MARCHF6: variants seen among roughly 807,000 people sequenced by gnomAD.
The protein encoded by MARCHF6 is membrane associated ring-CH-type finger 6, also known as E3 ubiquitin-protein ligase MARCHF6.
Under a neutral mutation model 133.7 loss-of-function variants are expected in MARCHF6, and 31 were observed. The ratio of observed to expected loss-of-function variants is 0.23; its 90% confidence interval spans 0.17 to 0.31. The LOEUF is 0.31. Among genes scored for constraint, MARCHF6 ranks in the 10% least tolerant of loss-of-function variants. MARCHF6 has a pLI of 1.00. For missense variants in MARCHF6, 723 were observed against 1,121.6 expected, an observed-to-expected ratio of 0.64 and a Z score of 5.08; for synonymous variants, 395 against 402.5, an observed-to-expected ratio of 0.98 and a Z score of 0.22.
At chr5:10,360,275 G>A (rs1007921757) in intron 1 of MARCHF6, among the ~76,000 whole-genome samples, 4 of 145,914 alleles carry the variant, frequency 2.7e-5, no homozygotes, top group Non-Finnish European at 6.0e-5. Context: ...TCAGCCTCCC[G>A]AGTAGCTGGG....
chr5:10,380,317 A>G (rs1304310307), intron 3 of MARCHF6, among the ~76,000 whole-genome samples: 1 of 152,198 alleles, frequency 6.6e-6, no homozygotes, highest in African/African-American at 2.4e-5. Context: ...TCATCATAAA[A>G]AAGTCAATTC....
rs1579635155 is a variant in MARCHF6, at chr5:10,439,302, A to G, written c.*5618A>G. 1 of 152,258 alleles carries G rather than the reference A, an allele frequency of 6.6e-6. No homozygotes were observed. 9.4% of individuals were successfully genotyped at this position (152,258 alleles called of 1,614,324 possible). On this transcript the variant is annotated 3_prime_UTR_variant, in exon 26 of 26. Transcript: ENST00000274140. Reference sequence around the variant, plus strand: ...CCATATCTTAACACTGGCAAAGATTAAAGTCCAAATGGATTATAGTTCCCC... The same window carrying G: ...CCATATCTTAACACTGGCAAAGATTGAAGTCCAAATGGATTATAGTTCCCC...
chr5:10,356,775 A>G (rs1001443351), intron 1 of MARCHF6, among the ~76,000 whole-genome samples: 1 of 152,296 alleles, frequency 6.6e-6, no homozygotes, highest in Non-Finnish European at 1.5e-5. Flanking sequence ...AACCGTGCGT[A>G]TAGTAAGTCT....
chr5:10,357,582 G>A lies in MARCHF6; in HGVS notation c.19+3665G>A, dbSNP rs545380756. ...AAATTTGGAAGAAATGAGTTAAAAG[G>A]ATAGAAAGTTGTCAGAATCAGACAG... is the stretch of plus-strand genomic sequence containing the variant. On this transcript the variant is annotated intron_variant, in intron 1 of 25. Transcript: ENST00000274140. Among the ~76,000 whole-genome samples, 11 of 152,246 alleles carry A rather than the reference G, an allele frequency of 7.2e-5. No homozygotes were observed. The South Asian group carries it at 2.3e-3, about 32-fold the overall frequency.
intron 22 of MARCHF6, among the ~76,000 whole-genome samples, chr5:10,423,283 AGTAGAACCACAAAT>A (rs1739919237): frequency 2.0e-5 from 3 of 152,202 alleles, no homozygotes; most frequent in Admixed American, 2.0e-4. Flanking sequence ...ACAGTTCCCC[AGTAGAACCACAAAT>A]GCTTCAAGCT....
chr5:10,376,652 C>T (rs1336083355), intron 1 of MARCHF6, among the ~76,000 whole-genome samples: 1 of 152,186 alleles, frequency 6.6e-6, no homozygotes, highest in Non-Finnish European at 1.5e-5. Context: ...CTCTGGATTG[C>T]CCAGCTGGTT....
chr5:10,404,500 G>A (rs1405927378), intron 15 of MARCHF6, among the ~76,000 whole-genome samples: 12 of 152,076 alleles, frequency 7.9e-5, no homozygotes, highest in Admixed American at 2.0e-4. Flanking sequence ...ACTGTGTGCC[G>A]GACACTATAC....
At chr5:10,394,620 A>G in intron 8 of MARCHF6, 133 bp from the exon 9 acceptor site, 2 of 623,066 alleles carry the variant, frequency 3.2e-6, no homozygotes, top group East Asian at 6.4e-5. Context: ...AATGATAGGA[A>G]GTATTGGAAA....
At chr5:10,395,944 T>G (rs1384137861) in intron 9 of MARCHF6, among the ~76,000 whole-genome samples, 1 of 152,190 alleles carries the variant, frequency 6.6e-6, no homozygotes, top group Admixed American at 6.5e-5. Flanking sequence ...ACAGTCAGTA[T>G]AGAAAGCATT....
intron 1 of MARCHF6, among the ~76,000 whole-genome samples, chr5:10,374,484 T>C (rs1199570631): frequency 2.0e-5 from 3 of 152,206 alleles, no homozygotes; most frequent in Admixed American, 2.0e-4. Context: ...GTGGGCTGCC[T>C]GGATACTGCT....
At chr5:10,429,647 C>T (rs1441233721) in intron 24 of MARCHF6, among the ~76,000 whole-genome samples, 5 of 152,248 alleles carry the variant, frequency 3.3e-5, no homozygotes, top group East Asian at 3.9e-4. Flanking sequence ...GTGATCCGCC[C>T]GCCTTGGCCT....
At position 10,433,958 on chromosome 5, in the gene MARCHF6, A is replaced by T; in HGVS notation, c.*274A>T. 1 of 366,184 alleles carries T rather than the reference A, an allele frequency of 2.7e-6. No individual in the cohort carries two copies. The highest frequency in any genetic ancestry group is 5.1e-6 in the Non-Finnish European group (1 of 197,914). 22.7% of individuals were successfully genotyped at this position (366,184 alleles called of 1,614,324 possible). A position where few individuals can be genotyped will look rare whatever the true frequency, so the allele number is the denominator to read the frequency against. ...AACAGAATGTGCATTGTACATCTTT[A>T]AACAAAATGTATATTAATTTATTAA... On this transcript the variant is annotated 3_prime_UTR_variant, in exon 26 of 26. Transcript: ENST00000274140.
At chr5:10,387,206 G>A in intron 5 of MARCHF6, 140 bp downstream of exon 5, 1 of 528,334 alleles carries the variant, frequency 1.9e-6, no homozygotes, top group Admixed American at 3.3e-5. Flanking sequence ...AACAGTTATA[G>A]CTGCAGTAGA....
At chr5:10,363,541 G>C (rs1735950955) in intron 1 of MARCHF6, among the ~76,000 whole-genome samples, 1 of 152,156 alleles carries the variant, frequency 6.6e-6, no homozygotes, top group Non-Finnish European at 1.5e-5. Flanking sequence ...TGTTACGCTA[G>C]GAATGTAAGA....
chr5:10,400,995 T>A, intron 11 of MARCHF6, 153 bp downstream of exon 11: 1 of 602,590 alleles, frequency 1.7e-6, no homozygotes, highest in Non-Finnish European at 2.9e-6. Context: ...TTAAAAAAAA[T>A]AACAGTGGCT....
intron 1 of MARCHF6, among the ~76,000 whole-genome samples, chr5:10,360,627 C>CTCT (rs1735767124): frequency 6.6e-6 from 1 of 152,206 alleles, no homozygotes; most frequent in Admixed American, 6.5e-5. Flanking sequence ...CTGAGTCTAT[C>CTCT]TCTTTCCTGG....
At chr5:10,428,638 A>C (rs563027828) in intron 24 of MARCHF6, among the ~76,000 whole-genome samples, 95 of 152,232 alleles carry the variant, frequency 6.2e-4, no homozygotes, top group South Asian at 1.7e-3. Context: ...TACCACACCC[A>C]GCGCATTGCT....
rs966855671 is a variant in MARCHF6 at position 10,436,930 on chromosome 5, T to C, written c.*3246T>C. 6.6e-6 allele frequency: 1 copy of C among 152,272 alleles called. No individual in the cohort carries two copies. The highest frequency in any genetic ancestry group is 1.9e-4 in the East Asian group (1 of 5,206). 9.4% of individuals were successfully genotyped at this position (152,272 alleles called of 1,614,324 possible). On this transcript the variant is annotated 3_prime_UTR_variant, in exon 26 of 26. Transcript: ENST00000274140. ...TTATTGTGGATTCTTGTCTTGTGTA[T>C]TTTCTTTCCCTTATTCAAGTAATAT...
chr5:10,353,948 T>TTGCGTCGGCGCCCGGGTTCG, intron 1 of MARCHF6, 31 bp downstream of exon 1: 2 of 1,537,142 alleles, frequency 1.3e-6, no homozygotes. Context: ...GCCCGAGCCC[T>TTGCGTCGGCGCCCGGGTTCG]TGCGTCGGCG....
Sources: gnomAD v4.1 joint callset for allele counts (sites outside exome capture counted in the v4.1 genomes callset) on GRCh38, gnomAD v4.1.1 for gene constraint, MANE v1.5 for transcripts, NCBI Gene and HGNC (gene_info 2026-07-23, HGNC 2026-07-21) for gene names.